The following GABRB3 variants were observed in gnomAD, a reference collection of about 807,000 sequenced individuals.
GABRB3 encodes the protein gamma-aminobutyric acid receptor subunit beta-3.
A neutral mutation model predicts 52.1 loss-of-function variants in GABRB3; 14 were observed. That is an observed-to-expected ratio of 0.27 (90% confidence interval 0.18 to 0.42). GABRB3 has a LOEUF of 0.42. Among genes scored for constraint, GABRB3 ranks in the 10% least tolerant of loss-of-function variants. GABRB3 has a pLI of 1.00. For missense variants in GABRB3, 307 were observed against 609.1 expected (o/e 0.50, Z 5.22); for synonymous variants, 260 against 232.3 (o/e 1.12, Z -1.08).
chr15:26,648,768 A>G (rs1271446375), intron 3 of GABRB3, among the ~76,000 whole-genome samples: 4 of 152,252 alleles, frequency 2.6e-5, no homozygotes, highest in African/African-American at 9.6e-5. Flanking sequence ...GGCAGGAGAC[A>G]GAATCACTAG....
In GABRB3 at chr15:26,720,537, AG is replaced by A. The variant is rs1889616450; in HGVS notation, c.240+51864del. Among the ~76,000 whole-genome samples, 4 of 152,338 alleles carry A rather than the reference AG, an allele frequency of 2.6e-5. No individual in the cohort carries two copies. In the South Asian group the frequency reaches 8.3e-4, roughly 32 times the overall value. Reference sequence around the variant, plus strand: ...AGAGTATCCAGGGACCCAGACGGTCAGGTTTTTAAAAATTGGCAACTGTACA... The same window carrying A: ...AGAGTATCCAGGGACCCAGACGGTCAGTTTTTAAAAATTGGCAACTGTACA... On this transcript the variant is annotated intron_variant, in intron 3 of 8. Transcript: ENST00000311550.
intron 8 of GABRB3, among the ~76,000 whole-genome samples, chr15:26,556,840 G>C (rs1341148699): frequency 1.3e-5 from 2 of 152,122 alleles, no homozygotes; most frequent in African/African-American, 4.8e-5. Flanking sequence ...TTTCTCTTGA[G>C]ATGCCTTACA....
chr15:26,622,468 AC>A (rs1892521410), intron 3 of GABRB3, among the ~76,000 whole-genome samples: 2 of 152,236 alleles, frequency 1.3e-5, no homozygotes, highest in Admixed American at 1.3e-4. Context: ...GTGGAAAGAT[AC>A]AAGCTGAAAA....
intron 3 of GABRB3, among the ~76,000 whole-genome samples, chr15:26,718,054 C>T (rs1359933004): frequency 1.3e-5 from 2 of 152,206 alleles, no homozygotes; most frequent in Admixed American, 6.5e-5. Flanking sequence ...TCATACATAA[C>T]CTATCTATGG....
Position 26,650,376 on chromosome 15 carries a change from G to C in GABRB3, c.241-28842C>G, listed in dbSNP as rs184346983. On this transcript the variant is annotated intron_variant, in intron 3 of 8. Coordinates refer to ENST00000311550, the MANE Select transcript of GABRB3 (RefSeq NM_000814.6). Reference sequence around the variant, plus strand: ...AGACCTGGGTAACTGGGCTGGAGTGGGTGATGCTGAGAGAGGGACTTAACC... The same window carrying C: ...AGACCTGGGTAACTGGGCTGGAGTGCGTGATGCTGAGAGAGGGACTTAACC... 3.8e-3 allele frequency among the ~76,000 whole-genome samples: 576 copies of C among 152,242 alleles called. 5 individuals are homozygous for C. The highest frequency in any genetic ancestry group is 0.013 in the African/African-American group (548 of 41,532).
intron 8 of GABRB3, among the ~76,000 whole-genome samples, chr15:26,559,400 C>A (rs1045863986): frequency 6.6e-6 from 1 of 152,106 alleles, no homozygotes; most frequent in African/African-American, 2.4e-5. Context: ...GTAAAACCTG[C>A]AGAACTGTGA....
At chr15:26,709,481 T>G (rs1364272536) in intron 3 of GABRB3, among the ~76,000 whole-genome samples, 1 of 151,470 alleles carries the variant, frequency 6.6e-6, no homozygotes, top group African/African-American at 2.4e-5. Context: ...TGCAGAACCA[T>G]GAGCCACGTA....
intron 4 of GABRB3, among the ~76,000 whole-genome samples, chr15:26,588,859 A>T (rs939584917): frequency 2.0e-5 from 3 of 152,242 alleles, no homozygotes; most frequent in African/African-American, 7.2e-5. Context: ...AGGGTCATTT[A>T]TTAGATCATT....
At chr15:26,576,655 A>G (rs1208835996) in intron 6 of GABRB3, among the ~76,000 whole-genome samples, 1 of 152,194 alleles carries the variant, frequency 6.6e-6, no homozygotes, top group Non-Finnish European at 1.5e-5. Flanking sequence ...AAGAAAAAAG[A>G]GAGAAGAGCT....
At chr15:26,731,354 T>C (rs1268791408) in intron 3 of GABRB3, among the ~76,000 whole-genome samples, 1 of 152,266 alleles carries the variant, frequency 6.6e-6, no homozygotes, top group African/African-American at 2.4e-5. Flanking sequence ...CTTTTCATTG[T>C]ATACAGTTCT....
intron 4 of GABRB3, among the ~76,000 whole-genome samples, chr15:26,607,733 CAAATA>C (rs934166433): frequency 6.6e-6 from 1 of 151,586 alleles, no homozygotes; most frequent in Admixed American, 6.6e-5. Flanking sequence ...ACAATAGTTT[CAAATA>C]AAATAAAATA....
Position 26,543,839 on chromosome 15 carries a change from T to C in GABRB3, c.*3954A>G, listed in dbSNP as rs1595424344. On this transcript the variant is annotated 3_prime_UTR_variant, in exon 9 of 9. Coordinates refer to ENST00000311550, the MANE Select transcript of GABRB3 (RefSeq NM_000814.6). ...AGACAAACGTGACAAAACATGTTCA[T>C]GGGGTTGGTCCTAGGGAGAGGCATA... The C allele has an allele frequency of 6.6e-6, 1 of 152,572 alleles. No individual in the cohort carries two copies. Among genetic ancestry groups the C allele is most frequent in the Non-Finnish European group, 1.5e-5 (1 of 68,016 alleles). 9.5% of individuals were successfully genotyped at this position (152,572 alleles called of 1,614,324 possible).
intron 4 of GABRB3, among the ~76,000 whole-genome samples, chr15:26,593,778 T>C (rs746513139): frequency 2.1e-4 from 32 of 151,852 alleles, no homozygotes; most frequent in Admixed American, 4.6e-4. Context: ...ACTATAAACA[T>C]TGGCGTAAAA....
At chr15:26,564,838 T>C (rs560299304) in intron 7 of GABRB3, among the ~76,000 whole-genome samples, 51 of 152,356 alleles carry the variant, frequency 3.3e-4, no homozygotes, top group African/African-American at 1.2e-3. Flanking sequence ...AACAAATCCA[T>C]GACTTTTACA....
rs988571432 is a variant in GABRB3, at chr15:26,772,475, G to A, written c.173-6C>T. 6.2e-7 allele frequency: 1 copy of A among 1,609,828 alleles called. No individual in the cohort carries two copies. Among genetic ancestry groups the A allele is most frequent in the East Asian group, 2.2e-5 (1 of 44,676 alleles). ...CCCCACGCAGACCGGGGGACCTGCGGGAAGCACAGGACACGGCGATCAGCC... is the reference window on the plus strand; with the variant it reads ...CCCCACGCAGACCGGGGGACCTGCGAGAAGCACAGGACACGGCGATCAGCC... On this transcript the variant is annotated splice_region_variant and splice_polypyrimidine_tract_variant and intron_variant, in intron 2 of 8. Transcript: ENST00000311550.
intron 6 of GABRB3, among the ~76,000 whole-genome samples, chr15:26,571,439 A>G (rs900363493): frequency 5.9e-5 from 9 of 152,182 alleles, no homozygotes; most frequent in Non-Finnish European, 1.2e-4. Flanking sequence ...ATGTCAGGAG[A>G]ACGGGAATGT....
At chr15:26,721,113 G>A (rs1488707148) in intron 3 of GABRB3, among the ~76,000 whole-genome samples, 2 of 152,070 alleles carry the variant, frequency 1.3e-5, no homozygotes, top group Non-Finnish European at 2.9e-5. Context: ...TGGATGCTCC[G>A]GCTGTGGGAT....
intron 3 of GABRB3, among the ~76,000 whole-genome samples, chr15:26,758,090 A>C (rs533535848): frequency 4.7e-4 from 69 of 146,992 alleles, no homozygotes; most frequent in African/African-American, 1.7e-3. Context: ...GCCATACAGA[A>C]AAAAAAAAAA....
At chr15:26,643,995 G>T (rs1178760473) in intron 3 of GABRB3, among the ~76,000 whole-genome samples, 1 of 152,150 alleles carries the variant, frequency 6.6e-6, no homozygotes, top group East Asian at 1.9e-4. Flanking sequence ...TACACCATGA[G>T]AAGTGACAGG....
Sources: allele counts gnomAD v4.1 joint callset (sites outside exome capture counted in the v4.1 genomes callset), GRCh38; gene constraint gnomAD v4.1.1; transcripts MANE v1.5; gene names NCBI Gene and HGNC (gene_info 2026-07-23, HGNC 2026-07-21).